The following IMPG1 variants were observed in gnomAD, a reference collection of about 807,000 sequenced individuals.
IMPG1 encodes the protein interphotoreceptor matrix proteoglycan 1, also known as interphotoreceptor matrix proteoglycan of 150 kDa.
Under a neutral mutation model 92.0 loss-of-function variants are expected in IMPG1, and 85 were observed. The observed-to-expected ratio is 0.92, with a 90% CI of 0.78 to 1.11. The LOEUF is 1.11. Among genes scored for constraint, IMPG1 ranks in the 50% least tolerant of loss-of-function variants. The pLI is 0.00. For missense variants in IMPG1, 1,022 were observed against 956.0 expected (o/e 1.07, Z -0.91); for synonymous variants, 367 against 334.1 (o/e 1.10, Z -1.08).
intron 15 of IMPG1, among the ~76,000 whole-genome samples, chr6:75,924,133 G>T (rs1781479549): frequency 6.6e-6 from 1 of 151,728 alleles, no homozygotes; most frequent in Admixed American, 6.6e-5. Flanking sequence ...GAACCTTTAT[G>T]CCCTGATGGT....
chr6:76,021,165 A>G (rs1338187238), intron 6 of IMPG1, among the ~76,000 whole-genome samples: 1 of 152,118 alleles, frequency 6.6e-6, no homozygotes, highest in Admixed American at 6.5e-5. Context: ...TAACCGGAAC[A>G]TTTCCTTTCT....
intron 7 of IMPG1, among the ~76,000 whole-genome samples, chr6:76,015,605 A>T (rs1266413460): frequency 1.3e-5 from 2 of 151,970 alleles, no homozygotes; most frequent in Admixed American, 6.6e-5. Flanking sequence ...GTTCGAGACC[A>T]GCTTGATCAA....
At position 75,950,139 on chromosome 6, in the gene IMPG1, C is replaced by G. The variant is rs75534837; in HGVS notation, c.1824+423G>C. On this transcript the variant is annotated intron_variant, in intron 13 of 16. Transcript: ENST00000369950. ...AACTTAAGGGGAACTAAGAAAGGAA[C>G]CCTTACTCCTGAACTCTCAGCCTCA... Among the ~76,000 whole-genome samples the G allele has an allele frequency of 7.9e-3, 1,205 of 152,228 alleles. 17 individuals are homozygous for G. The highest frequency in any genetic ancestry group is 0.028 in the African/African-American group (1,152 of 41,540).
intron 6 of IMPG1, among the ~76,000 whole-genome samples, chr6:76,021,435 C>G (rs1172739084): frequency 6.6e-6 from 1 of 152,092 alleles, no homozygotes; most frequent in Non-Finnish European, 1.5e-5. Flanking sequence ...ATATTTGGCT[C>G]AGAATAAATC....
rs1782004928 is a variant in IMPG1 at position 75,950,544 on chromosome 6, T to A, written c.1824+18A>T. 7.1e-6 allele frequency: 11 copies of A among 1,560,174 alleles called. No homozygotes were observed. The highest frequency in any genetic ancestry group is 9.5e-6 in the Non-Finnish European group (11 of 1,155,276). ...AGAAGAGACAAAGAATTGGGAATTG[T>A]GAGCAGTGCCCACTCACCAGCTGTG... On this transcript the variant is annotated intron_variant, in intron 13 of 16. Coordinates refer to ENST00000369950, the MANE Select transcript of IMPG1 (RefSeq NM_001563.4).
At chr6:75,958,657 G>A (rs554879127) in intron 12 of IMPG1, among the ~76,000 whole-genome samples, 12 of 151,368 alleles carry the variant, frequency 7.9e-5, no homozygotes, top group East Asian at 3.9e-4. Flanking sequence ...CCTTTCTTCC[G>A]CTTGACCGAT....
At chr6:75,995,410 A>T (rs1782879707) in intron 12 of IMPG1, among the ~76,000 whole-genome samples, 1 of 152,080 alleles carries the variant, frequency 6.6e-6, no homozygotes, top group Non-Finnish European at 1.5e-5. Context: ...TTCTCTCCAA[A>T]TTCCTGTGCT....
Position 75,950,803 on chromosome 6 carries a change from G to C in IMPG1, c.1583C>G (p.Pro528Arg). The C allele has an allele frequency of 6.2e-7, 1 of 1,613,974 alleles. No homozygotes were observed. Among genetic ancestry groups the C allele is most frequent in the Non-Finnish European group, 8.5e-7 (1 of 1,179,930 alleles). The part of the protein sequence containing the change: ...HLDEMDLSDT[P>R]APSEVPELSE... ...GAGCTCTGGTACCTCAGATGGGGCA[G>C]GAGTGTCAGACAGATCCATTTCATC... The change falls in exon 13 of 17, where the codon CCT becomes CGT. Residue 528 changes from proline to arginine, a missense_variant. Physicochemically the swap from Pro to Arg is moderately radical, Grantham distance 103. This residue lies in a region of IMPG1 where 332 missense variants were observed against 346.2 expected (regional missense o/e 0.96). Coordinates refer to ENST00000369950, the MANE Select transcript of IMPG1 (RefSeq NM_001563.4).
At chr6:76,042,532 G>C (rs1457073627) in intron 1 of IMPG1, among the ~76,000 whole-genome samples, 1 of 152,116 alleles carries the variant, frequency 6.6e-6, no homozygotes, top group African/African-American at 2.4e-5. Flanking sequence ...TGAGGAAGTG[G>C]AGTGCTTCTA....
intron 14 of IMPG1, among the ~76,000 whole-genome samples, chr6:75,940,805 G>A (rs1413722065): frequency 6.6e-6 from 1 of 152,064 alleles, no homozygotes; most frequent in East Asian, 1.9e-4. Flanking sequence ...CATCACTGTG[G>A]AGTAACTGAA....
At chr6:76,063,439 C>T (rs1395021733) in intron 1 of IMPG1, among the ~76,000 whole-genome samples, 3 of 152,018 alleles carry the variant, frequency 2.0e-5, no homozygotes, top group Non-Finnish European at 2.9e-5. Context: ...AAAGGATTAG[C>T]GGGAGTGTTT....
Position 75,989,637 on chromosome 6 carries a change from G to A in IMPG1, c.1291+13281C>T, listed in dbSNP as rs567629862. Among the ~76,000 whole-genome samples the A allele has an allele frequency of 2.0e-5, 3 of 152,336 alleles. No homozygotes were observed. In the East Asian group the frequency reaches 5.8e-4, roughly 29 times the overall value. The stretch of plus-strand genomic sequence containing the variant: ...GTGGGCAGATCACTTGAGGCCAGGA[G>A]TTTGAGACCAGCCTGGCCAACATGG... On this transcript the variant is annotated intron_variant, in intron 12 of 16. Coordinates refer to ENST00000369950, the MANE Select transcript of IMPG1 (RefSeq NM_001563.4).
chr6:75,982,288 T>A (rs948104623), intron 12 of IMPG1, among the ~76,000 whole-genome samples: 2 of 151,888 alleles, frequency 1.3e-5, no homozygotes, highest in Admixed American at 6.6e-5. Context: ...ATAAAGAAAA[T>A]GTATTCCACT....
chr6:76,019,211 G>A (rs1047120575), intron 6 of IMPG1, among the ~76,000 whole-genome samples: 7 of 152,098 alleles, frequency 4.6e-5, no homozygotes, highest in Admixed American at 1.3e-4. Flanking sequence ...AGGGCCAAGA[G>A]GTCATCCTTC....
chr6:76,006,085 T>C (rs772593245), intron 9 of IMPG1, among the ~76,000 whole-genome samples: 2 of 152,098 alleles, frequency 1.3e-5, no homozygotes, highest in African/African-American at 2.4e-5. Flanking sequence ...TGCTGTGGCC[T>C]CCCAAAGTGC....
intron 2 of IMPG1, 21 bp from the exon 3 acceptor site, chr6:76,034,808 T>C (rs1783710050): frequency 6.2e-7 from 1 of 1,605,764 alleles, no homozygotes; most frequent in Admixed American, 1.7e-5. Flanking sequence ...GAGTCATTAA[T>C]GGCCATGCCC....
At chr6:76,012,154 C>T (rs1026136988) in intron 7 of IMPG1, among the ~76,000 whole-genome samples, 16 of 152,118 alleles carry the variant, frequency 1.1e-4, no homozygotes, top group African/African-American at 3.6e-4. Context: ...ATGGACTTCA[C>T]AATAAATTTT....
intron 12 of IMPG1, among the ~76,000 whole-genome samples, chr6:75,958,956 T>G (rs951205573): frequency 1.2e-4 from 19 of 152,190 alleles, no homozygotes; most frequent in African/African-American, 2.2e-4. Context: ...AGAATAGGCA[T>G]TCTGATTTTT....
At chr6:75,993,393 T>C (rs1782845670) in intron 12 of IMPG1, among the ~76,000 whole-genome samples, 1 of 151,990 alleles carries the variant, frequency 6.6e-6, no homozygotes. Context: ...GAAAAACCAG[T>C]GTCTAGTGAG....
Sources: gnomAD v4.1 joint callset for allele counts (sites outside exome capture counted in the v4.1 genomes callset) on GRCh38, gnomAD v4.1.1 for gene constraint, gnomAD v4.1.1 regional missense constraint, MANE v1.5 for transcripts, NCBI Gene and HGNC (gene_info 2026-07-23, HGNC 2026-07-21) for gene names.